The following ZBTB37 variants were observed in gnomAD, a reference collection of about 807,000 sequenced individuals.
The protein encoded by ZBTB37 is zinc finger and BTB domain-containing protein 37.
In ZBTB37, 15 loss-of-function variants were observed where a neutral mutation model predicts 37.7. That is an observed-to-expected ratio of 0.40 (90% CI 0.27 to 0.61). ZBTB37 has a LOEUF of 0.61. ZBTB37 is among the 20% of genes least tolerant of loss of function. ZBTB37 has a pLI of 0.44. For missense variants in ZBTB37, 514 were observed against 641.9 expected (o/e 0.80, Z 2.15); for synonymous variants, 231 against 220.6 (o/e 1.05, Z -0.42).
chr1:173,891,667 C>G (rs751668705), exon 4 of ZBTB37: 3 of 152,116 alleles, frequency 2.0e-5, no homozygotes, highest in African/African-American at 7.2e-5. Context: ...ACAGCAGACA[C>G]CTATAATCCC....
chr1:173,901,188 A>G (rs1468468652), exon 4 of ZBTB37: 3 of 152,102 alleles, frequency 2.0e-5, no homozygotes, highest in Admixed American at 6.5e-5. Context: ...TTTGAGTACT[A>G]CTATTTCACC....
At chr1:173,870,080 C>A in intron 2 of ZBTB37, 120 bp from the exon 3 acceptor site, 1 of 673,660 alleles carries the variant, frequency 1.5e-6, no homozygotes, top group South Asian at 2.5e-5. Context: ...GAAGGTATTT[C>A]TTTTATCTGG....
chr1:173,878,483 AG>A (rs1656105663), intron 4 of ZBTB37, among the ~76,000 whole-genome samples: 1 of 152,174 alleles, frequency 6.6e-6, no homozygotes, highest in African/African-American at 2.4e-5. Context: ...AAAATGGGCA[AG>A]GAAGTACCCA....
At chr1:173,870,679 T>A (rs1156567616) in exon 3 of ZBTB37, 1 of 1,613,974 alleles carries the variant, frequency 6.2e-7, no homozygotes, top group South Asian at 1.1e-5. Context: ...ACCTCCAGAG[T>A]CTCACAGGGT....
chr1:173,879,881 G>A (rs1386248390), intron 4 of ZBTB37, among the ~76,000 whole-genome samples: 3 of 152,178 alleles, frequency 2.0e-5, no homozygotes, highest in African/African-American at 7.2e-5. Flanking sequence ...AACCTGGGAG[G>A]CAGAGGTTGC....
exon 4 of ZBTB37, chr1:173,899,211 C>G (rs1204862283): frequency 6.6e-6 from 1 of 151,138 alleles, no homozygotes; most frequent in African/African-American, 2.4e-5. Context: ...TTTTTTCTAC[C>G]TGTAGCATAG....
At chr1:173,870,843 G>A in exon 3 of ZBTB37, 2 of 1,614,232 alleles carry the variant, frequency 1.2e-6, no homozygotes, top group Non-Finnish European at 1.7e-6. Flanking sequence ...CTGATGTAGA[G>A]AGCCGGGAGC....
At chr1:173,872,218 G>T (rs1356768381) in intron 3 of ZBTB37, among the ~76,000 whole-genome samples, 1 of 151,930 alleles carries the variant, frequency 6.6e-6, no homozygotes, top group Non-Finnish European at 1.5e-5. Context: ...ACAGGTCCCT[G>T]CCCCCATGCT....
At chr1:173,876,693 T>G (rs1208298461) in intron 4 of ZBTB37, among the ~76,000 whole-genome samples, 3 of 152,212 alleles carry the variant, frequency 2.0e-5, no homozygotes, top group Non-Finnish European at 4.4e-5. Flanking sequence ...GTTTTTTAGT[T>G]TTGATAAGAT....
chr1:173,881,812 T>C (rs1008412528), intron 4 of ZBTB37, among the ~76,000 whole-genome samples: 5 of 152,156 alleles, frequency 3.3e-5, no homozygotes, highest in Non-Finnish European at 7.3e-5. Flanking sequence ...CCCAGCACTT[T>C]GGGAGGCCGA....
chr1:173,878,607 C>G (rs1656115561), intron 4 of ZBTB37, among the ~76,000 whole-genome samples: 2 of 152,184 alleles, frequency 1.3e-5, no homozygotes, highest in South Asian at 4.1e-4. Flanking sequence ...AGGAAAAGAA[C>G]AGATAGGTAC....
intron 4 of ZBTB37, 145 bp downstream of exon 4, chr1:173,873,711 G>A (rs1655721925): frequency 1.5e-6 from 2 of 1,329,814 alleles, no homozygotes; most frequent in Non-Finnish European, 2.0e-6. Flanking sequence ...CCTGAGGGTA[G>A]CAGAAGTTTA....
chr1:173,875,659 C>CT (rs1232327988), intron 4 of ZBTB37, among the ~76,000 whole-genome samples: 13 of 148,618 alleles, frequency 8.7e-5, no homozygotes, highest in South Asian at 2.1e-4. Flanking sequence ...ATTGCTTATG[C>CT]TTTTTTTTTT....
chr1:173,886,331 A>G (rs2102751365), exon 5 of ZBTB37: 1 of 723,066 alleles, frequency 1.4e-6, no homozygotes, highest in Non-Finnish European at 2.1e-6. Flanking sequence ...CACTTTGGAA[A>G]ATAATCAAGC....
chr1:173,887,285 C>T (rs1656663103), downstream of ZBTB37: 2 of 152,190 alleles, frequency 1.3e-5, no homozygotes, highest in Non-Finnish European at 2.9e-5. Flanking sequence ...AGAAGGACCT[C>T]ACTTAAAACT....
At chr1:173,901,223 A>G (rs1405667492) in exon 4 of ZBTB37, 5 of 152,110 alleles carry the variant, frequency 3.3e-5, no homozygotes, top group Non-Finnish European at 5.9e-5. Context: ...CCCTACTCTC[A>G]ACGAAAGAAA....
At chr1:173,877,892 TG>T (rs927033200) in intron 4 of ZBTB37, among the ~76,000 whole-genome samples, 5 of 152,236 alleles carry the variant, frequency 3.3e-5, no homozygotes, top group South Asian at 2.1e-4. Flanking sequence ...GTGATTAAAC[TG>T]GAACACACTA....
exon 4 of ZBTB37, chr1:173,873,523 A>C: frequency 6.2e-7 from 1 of 1,614,026 alleles, no homozygotes; most frequent in Non-Finnish European, 8.5e-7. Flanking sequence ...GCCAGAAGTG[A>C]GTCTCCTGGG....
intron 4 of ZBTB37, among the ~76,000 whole-genome samples, chr1:173,874,827 A>G (rs1358676385): frequency 2.0e-5 from 3 of 152,228 alleles, no homozygotes; most frequent in African/African-American, 7.2e-5. Context: ...ACAAAGCAAG[A>G]AATAGAACTT....
Sources: gnomAD v4.1 joint callset for allele counts (sites outside exome capture counted in the v4.1 genomes callset) on GRCh38, gnomAD v4.1.1 for gene constraint, MANE v1.5 for transcripts, NCBI Gene and HGNC (gene_info 2026-07-23, HGNC 2026-07-21) for gene names.